PTPRA: variants seen among roughly 807,000 people sequenced by gnomAD.
The protein encoded by PTPRA is protein tyrosine phosphatase receptor type A.
Under a neutral mutation model 104.8 loss-of-function variants are expected in PTPRA, and 25 were observed. That is an observed-to-expected ratio of 0.24 (90% CI 0.17 to 0.33). The LOEUF (loss-of-function observed/expected upper bound fraction) is 0.33, where lower values mean the gene tolerates loss of function less well. Among genes scored for constraint, PTPRA ranks in the 10% least tolerant of loss-of-function variants. The pLI, the probability that PTPRA is intolerant of heterozygous loss-of-function variation, is 1.00. For missense variants in PTPRA, 765 were observed against 1,015.3 expected, an observed-to-expected ratio of 0.75 and a Z score of 3.35; for synonymous variants, 323 against 368.9, an observed-to-expected ratio of 0.88 and a Z score of 1.43.
intron 9 of PTPRA, among the ~76,000 whole-genome samples, chr20:3,002,924 A>T (rs191288546): frequency 6.6e-6 from 1 of 152,240 alleles, no homozygotes; most frequent in African/African-American, 2.4e-5. Context: ...CTTCTGCGTG[A>T]TACCTGCACT....
chr20:3,038,364 G>A lies in PTPRA; in HGVS notation c.*231G>A, dbSNP rs902399640. ...ATAGTGTGATGTTTGGATTGATATC[G>A]TGAAATCCTCAGCCGAGAAATTGGG... On this transcript the variant is annotated 3_prime_UTR_variant, in exon 24 of 24. Coordinates refer to ENST00000399903, the MANE Select transcript of PTPRA (RefSeq NM_001385305.1). The A allele has an allele frequency of 9.3e-6, 4 of 432,084 alleles. No individual in the cohort carries two copies. The Admixed American group carries it at 1.2e-4, about 13-fold the overall frequency. The allele number at this position is 432,084 out of a possible 1,614,324, so 26.8% of individuals were successfully genotyped here.
intron 2 of PTPRA, among the ~76,000 whole-genome samples, chr20:2,930,821 A>G (rs1027431421): frequency 6.6e-6 from 1 of 152,184 alleles, no homozygotes; most frequent in Non-Finnish European, 1.5e-5. Context: ...ATCCTATGGT[A>G]CTGGGGATTA....
chr20:2,984,347 T>C (rs1433000539), intron 6 of PTPRA, among the ~76,000 whole-genome samples: 1 of 152,134 alleles, frequency 6.6e-6, no homozygotes, highest in African/African-American at 2.4e-5. Context: ...TTTCACTCCA[T>C]TTAGGCTTTC....
At position 3,038,268 on chromosome 20, in the gene PTPRA, T is replaced by C. The variant is rs2065899704; in HGVS notation, c.*135T>C. The C allele has an allele frequency of 1.3e-6, 1 of 766,924 alleles. No homozygotes were observed. The highest frequency in any genetic ancestry group is 1.8e-5 in the African/African-American group (1 of 56,608). 47.5% of individuals were successfully genotyped at this position (766,924 alleles called of 1,614,324 possible). A position where few individuals can be genotyped will look rare whatever the true frequency, so the allele number is the denominator to read the frequency against. ...TGGTACATAGGCTTCTATTACCTAT[T>C]AGGTGGAAATTTTATATGTAAATGT... On this transcript the variant is annotated 3_prime_UTR_variant, in exon 24 of 24. Transcript: ENST00000399903.
At chr20:2,944,034 C>T (rs1299585514) in intron 2 of PTPRA, among the ~76,000 whole-genome samples, 1 of 149,532 alleles carries the variant, frequency 6.7e-6, no homozygotes, top group Non-Finnish European at 1.5e-5. Flanking sequence ...GGTTCCTCTA[C>T]TGGTCTTTTT....
chr20:3,005,481 G>A (rs1374084687), intron 10 of PTPRA, among the ~76,000 whole-genome samples: 2 of 152,164 alleles, frequency 1.3e-5, no homozygotes, highest in Non-Finnish European at 2.9e-5. Context: ...GCCCAGGGGG[G>A]CAGAGGTTGC....
chr20:3,022,882 A>G lies in PTPRA; in HGVS notation c.1464+58A>G. 1.9e-6 allele frequency: 3 copies of G among 1,608,656 alleles called. No homozygotes were observed. The highest frequency in any genetic ancestry group is 2.5e-6 in the Non-Finnish European group (3 of 1,177,104). On this transcript the variant is annotated intron_variant, in intron 16 of 23. Coordinates refer to ENST00000399903, the MANE Select transcript of PTPRA (RefSeq NM_001385305.1). This position sits in a 1 kb window ranked among gnomAD's most constrained non-coding sequence, Gnocchi z 4.6. The stretch of plus-strand genomic sequence containing the variant: ...GGTTCCAGGACTAAAACATCTGCCC[A>G]CATTGAGGATTCACTCAGTCTCACA...
chr20:2,864,714 G>T, the PTPRA span: 1 of 1,550,916 alleles, frequency 6.4e-7, no homozygotes. The surrounding 1 kb of genome is among the most constrained non-coding windows in gnomAD (Gnocchi z 5.2). Context: ...CTGTTGGTCC[G>T]GTTCCTTCAG....
chr20:3,014,930 G>T (rs2148372333), intron 11 of PTPRA, among the ~76,000 whole-genome samples: 1 of 152,330 alleles, frequency 6.6e-6, no homozygotes, highest in Middle Eastern at 3.4e-3. Flanking sequence ...GACTGAAAAA[G>T]AAAGCTGCGG....
intron 2 of PTPRA, among the ~76,000 whole-genome samples, chr20:2,941,741 C>T (rs1311751890): frequency 2.0e-5 from 3 of 152,192 alleles, no homozygotes; most frequent in African/African-American, 7.2e-5. Flanking sequence ...TGGCTTCTTT[C>T]AGACCCTGCT....
intron 18 of PTPRA, 49 bp downstream of exon 18, chr20:3,026,829 TC>T: frequency 2.1e-6 from 3 of 1,442,796 alleles, no homozygotes; most frequent in Non-Finnish European, 2.9e-6. Context: ...ATCCCTCAAT[TC>T]CCTCCACCCC....
chr20:3,022,050 A>G lies in PTPRA; in HGVS notation c.1162-4A>G, dbSNP rs760689536. ...CCAACACACAGGATCTCCTCACTTC[A>G]CAGGTGGGCGACATGACCAACAGAA... On this transcript the variant is annotated splice_region_variant and splice_polypyrimidine_tract_variant and intron_variant, in intron 14 of 23. Coordinates refer to ENST00000399903, the MANE Select transcript of PTPRA (RefSeq NM_001385305.1). This position sits in a 1 kb window ranked among gnomAD's most constrained non-coding sequence, Gnocchi z 4.6. The G allele has an allele frequency of 1.2e-6, 2 of 1,613,900 alleles. No individual in the cohort carries two copies. The highest frequency in any genetic ancestry group is 2.2e-5 in the South Asian group (2 of 91,050).
At chr20:3,007,882 C>T (rs2063951039) in intron 11 of PTPRA, among the ~76,000 whole-genome samples, 1 of 151,686 alleles carries the variant, frequency 6.6e-6, no homozygotes, top group African/African-American at 2.4e-5. Context: ...ATATATGAAC[C>T]AAGGCCTGAG....
chr20:2,874,392 TA>T (rs11481079), intron 1 of PTPRA, among the ~76,000 whole-genome samples: 4,577 of 147,078 alleles, frequency 0.031, 185 homozygotes, highest in African/African-American at 0.094. Context: ...TCCTGAAGAT[TA>T]AAAAAAAAAA....
chr20:2,881,847 A>G (rs373268828), intron 1 of PTPRA, among the ~76,000 whole-genome samples: 7 of 152,264 alleles, frequency 4.6e-5, no homozygotes, highest in East Asian at 3.9e-4. Context: ...CTAAAAACAC[A>G]GAAATTAGCC....
At chr20:2,956,536 A>G (rs1270872355) in intron 3 of PTPRA, among the ~76,000 whole-genome samples, 3 of 152,082 alleles carry the variant, frequency 2.0e-5, no homozygotes, top group Admixed American at 6.6e-5. Context: ...CTTCCAAGTC[A>G]TCTCAGTTTG....
At chr20:2,953,331 T>G (rs1210305868) in intron 3 of PTPRA, among the ~76,000 whole-genome samples, 1 of 151,974 alleles carries the variant, frequency 6.6e-6, no homozygotes. Context: ...CTCGGCTCAC[T>G]GCAACCTCTG....
At chr20:3,017,428 C>CTGA (rs1379875970) in intron 12 of PTPRA, among the ~76,000 whole-genome samples, 1 of 152,156 alleles carries the variant, frequency 6.6e-6, no homozygotes, top group Admixed American at 6.5e-5. Flanking sequence ...CTTTCTGGGG[C>CTGA]TGATGACACC....
chr20:2,900,809 A>G (rs564730426), intron 1 of PTPRA, among the ~76,000 whole-genome samples: 2 of 150,796 alleles, frequency 1.3e-5, no homozygotes. Flanking sequence ...GTGACCCAAG[A>G]TCAAGCCATT....
Sources: allele counts gnomAD v4.1 joint callset (sites outside exome capture counted in the v4.1 genomes callset), GRCh38; gene constraint gnomAD v4.1.1; non-coding constraint Gnocchi (gnomAD v3.1); transcripts MANE v1.5; gene names NCBI Gene and HGNC (gene_info 2026-07-23, HGNC 2026-07-21).